NKAIN3: variants seen among roughly 807,000 people sequenced by gnomAD.
NKAIN3 encodes sodium/potassium transporting ATPase interacting 3.
A neutral mutation model predicts 30.2 loss-of-function variants in NKAIN3; 25 were observed. The observed-to-expected ratio is 0.83, with a 90% CI of 0.60 to 1.16. The LOEUF is 1.16. Ranked by LOEUF, NKAIN3 falls within the 50% of genes most tolerant of loss-of-function variation. The pLI is 0.00. For synonymous variants in NKAIN3, 91 were observed against 89.6 expected (o/e 1.02, Z -0.09); for missense variants, 225 against 254.1 (o/e 0.89, Z 0.78).
intron 5 of NKAIN3, among the ~76,000 whole-genome samples, chr8:62,918,841 A>G (rs1822185778): frequency 6.6e-6 from 1 of 152,156 alleles, no homozygotes; most frequent in South Asian, 2.1e-4. Context: ...CCTATTACCA[A>G]TTTTAGGCAT....
intron 4 of NKAIN3, among the ~76,000 whole-genome samples, chr8:62,875,940 G>A (rs1222564954): frequency 6.6e-6 from 1 of 151,956 alleles, no homozygotes; most frequent in African/African-American, 2.4e-5. Context: ...TGAAAAAACA[G>A]CAAAAGCAAT....
chr8:62,731,717 G>T (rs72653224), intron 3 of NKAIN3, among the ~76,000 whole-genome samples: 24,727 of 152,072 alleles, frequency 0.16, 2,116 homozygotes, highest in East Asian at 0.32. Flanking sequence ...TTGGTGGGGA[G>T]GAGGAGACCA....
intron 4 of NKAIN3, among the ~76,000 whole-genome samples, chr8:62,869,960 C>T (rs1027027348): frequency 6.6e-6 from 1 of 151,540 alleles, no homozygotes; most frequent in Non-Finnish European, 1.5e-5. Flanking sequence ...TTAGTAGAGA[C>T]GGGGTTTCGC....
intron 1 of NKAIN3, among the ~76,000 whole-genome samples, chr8:62,503,353 G>A (rs1229046853): frequency 6.6e-6 from 1 of 152,178 alleles, no homozygotes; most frequent in Non-Finnish European, 1.5e-5. Flanking sequence ...GGGGCAAAAG[G>A]CAGAGCAAAG....
intron 1 of NKAIN3, among the ~76,000 whole-genome samples, chr8:62,349,085 A>T (rs1473598509): frequency 6.6e-6 from 1 of 152,226 alleles, no homozygotes; most frequent in Non-Finnish European, 1.5e-5. Flanking sequence ...ATCATTTAAA[A>T]ATAACTCCAT....
At chr8:62,427,298 T>C (rs1384922153) in intron 1 of NKAIN3, among the ~76,000 whole-genome samples, 1 of 151,974 alleles carries the variant, frequency 6.6e-6, no homozygotes, top group Non-Finnish European at 1.5e-5. Context: ...CTTCTCCATG[T>C]GTTTATGAGG....
chr8:62,704,290 AT>A (rs1449513707), intron 3 of NKAIN3, among the ~76,000 whole-genome samples: 3 of 152,082 alleles, frequency 2.0e-5, no homozygotes, highest in African/African-American at 7.2e-5. Flanking sequence ...CTAAAAGATC[AT>A]TTTTTTCTGC....
intron 4 of NKAIN3, among the ~76,000 whole-genome samples, chr8:62,832,259 A>T (rs1284061438): frequency 2.0e-4 from 2 of 10,142 alleles, no homozygotes; most frequent in African/African-American, 2.3e-4. Flanking sequence ...GACCAAACAG[A>T]CACACACACA....
intron 1 of NKAIN3, among the ~76,000 whole-genome samples, chr8:62,478,130 T>G (rs1011765204): frequency 6.6e-6 from 1 of 152,098 alleles, no homozygotes; most frequent in Non-Finnish European, 1.5e-5. Context: ...ATATGCATTT[T>G]GGAGGGGCAC....
At chr8:62,765,828 C>G (rs1461667869) in intron 4 of NKAIN3, among the ~76,000 whole-genome samples, 1 of 151,876 alleles carries the variant, frequency 6.6e-6, no homozygotes, top group Non-Finnish European at 1.5e-5. Flanking sequence ...CTATTAAACT[C>G]AGTATTTTAT....
chr8:62,620,362 C>T (rs77013977), intron 3 of NKAIN3, among the ~76,000 whole-genome samples: 16,108 of 152,114 alleles, frequency 0.11, 1,070 homozygotes, highest in East Asian at 0.32. Context: ...TCAGAAAGTT[C>T]TCCATGCACA....
chr8:62,841,433 G>A (rs1819528680), intron 4 of NKAIN3, among the ~76,000 whole-genome samples: 2 of 151,956 alleles, frequency 1.3e-5, no homozygotes, highest in South Asian at 4.1e-4. Flanking sequence ...CTAAAACTGT[G>A]TATCCTTTAA....
At chr8:62,713,821 A>T (rs1563528160) in intron 3 of NKAIN3, among the ~76,000 whole-genome samples, 1 of 152,190 alleles carries the variant, frequency 6.6e-6, no homozygotes, top group East Asian at 1.9e-4. Flanking sequence ...TTGCTTCTGT[A>T]TAAATTTCAT....
At chr8:62,614,356 A>G (rs1811383918) in intron 3 of NKAIN3, among the ~76,000 whole-genome samples, 1 of 151,340 alleles carries the variant, frequency 6.6e-6, no homozygotes, top group African/African-American at 2.4e-5. Flanking sequence ...AAACATACAG[A>G]GTCTCTCTCT....
chr8:62,819,662 G>T (rs1257905520), intron 4 of NKAIN3, among the ~76,000 whole-genome samples: 3 of 151,858 alleles, frequency 2.0e-5, no homozygotes, highest in Non-Finnish European at 4.4e-5. Context: ...TTTCCTCTGT[G>T]CATTGGATGA....
intron 1 of NKAIN3, among the ~76,000 whole-genome samples, chr8:62,417,235 G>T (rs1380851885): frequency 1.3e-5 from 2 of 151,952 alleles, no homozygotes; most frequent in Non-Finnish European, 2.9e-5. Context: ...TTTTCTTTCT[G>T]TGCCTGGGTT....
chr8:62,509,374 T>G (rs1807746682), intron 1 of NKAIN3, among the ~76,000 whole-genome samples: 1 of 152,156 alleles, frequency 6.6e-6, no homozygotes, highest in African/African-American at 2.4e-5. Context: ...TCCGGCAAGA[T>G]ATGCAGCCCT....
At chr8:62,812,506 T>G (rs535558623) in intron 4 of NKAIN3, among the ~76,000 whole-genome samples, 2 of 151,644 alleles carry the variant, frequency 1.3e-5, no homozygotes, top group South Asian at 4.1e-4. Context: ...CTTTTCTTTC[T>G]TTCATTGACA....
intron 1 of NKAIN3, chr8:62,383,481 C>CT: frequency 2.2e-6 from 1 of 455,004 alleles, no homozygotes; most frequent in Non-Finnish European, 4.4e-6. Flanking sequence ...GAATAGGGCA[C>CT]TTTTGTCTGC....
Sources: gnomAD v4.1 joint callset for allele counts (sites outside exome capture counted in the v4.1 genomes callset) on GRCh38, gnomAD v4.1.1 for gene constraint, MANE v1.5 for transcripts, NCBI Gene and HGNC (gene_info 2026-07-23, HGNC 2026-07-21) for gene names.